Variants in MDGA2 observed in about 807,000 individuals in gnomAD.
MDGA2 encodes MAM domain containing glycosylphosphatidylinositol anchor 2, also known as MAM domain-containing glycosylphosphatidylinositol anchor protein 2.
A neutral mutation model predicts 117.8 loss-of-function variants in MDGA2; 40 were observed. The ratio of observed to expected loss-of-function variants is 0.34; its 90% confidence interval spans 0.26 to 0.44. The LOEUF is 0.44. MDGA2 is among the 20% of genes least tolerant of loss of function. MDGA2 has a pLI of 1.00. For missense variants in MDGA2, 1,123 were observed against 1,250.6 expected (o/e 0.90, Z 1.54); for synonymous variants, 452 against 439.0 (o/e 1.03, Z -0.37).
At chr14:47,104,013 C>A (rs1880492280) in intron 5 of MDGA2, among the ~76,000 whole-genome samples, 1 of 152,192 alleles carries the variant, frequency 6.6e-6, no homozygotes, top group South Asian at 2.1e-4. Context: ...CTGCATGACT[C>A]TCCTTGTCTT....
intron 3 of MDGA2, among the ~76,000 whole-genome samples, chr14:47,176,001 C>A (rs1884427035): frequency 6.6e-6 from 1 of 152,064 alleles, no homozygotes; most frequent in African/African-American, 2.4e-5. Flanking sequence ...TCTTATACAC[C>A]AATAACAGAT....
intron 3 of MDGA2, among the ~76,000 whole-genome samples, chr14:47,171,918 C>A (rs965716119): frequency 6.6e-6 from 1 of 152,134 alleles, no homozygotes; most frequent in Admixed American, 6.5e-5. Context: ...CAGTAGGCAC[C>A]TGGAATATCG....
intron 7 of MDGA2, among the ~76,000 whole-genome samples, chr14:47,048,900 A>G (rs1468912059): frequency 6.6e-6 from 1 of 152,124 alleles, no homozygotes; most frequent in East Asian, 1.9e-4. Flanking sequence ...AGTATACAGA[A>G]GTTTACAATA....
chr14:47,526,986 A>T (rs771671135), intron 1 of MDGA2, among the ~76,000 whole-genome samples: 1 of 152,146 alleles, frequency 6.6e-6, no homozygotes, highest in Non-Finnish European at 1.5e-5. Context: ...TTAATTGTAG[A>T]GAGTGCAGTG....
At chr14:47,072,931 T>C (rs2138849044) in intron 6 of MDGA2, among the ~76,000 whole-genome samples, 1 of 152,302 alleles carries the variant, frequency 6.6e-6, no homozygotes, top group Middle Eastern at 3.4e-3. Context: ...ATTTGAAATG[T>C]TATTTAAACG....
chr14:47,153,709 T>TAA (rs201838648), intron 3 of MDGA2, among the ~76,000 whole-genome samples: 30 of 68,538 alleles, frequency 4.4e-4, no homozygotes, highest in African/African-American at 1.0e-3. Context: ...AGAAAAGAAA[T>TAA]AAAAAAAAAA....
chr14:46,967,494 A>T (rs1292920937), intron 8 of MDGA2, among the ~76,000 whole-genome samples: 1 of 152,212 alleles, frequency 6.6e-6, no homozygotes, highest in African/African-American at 2.4e-5. Context: ...TTGCCCATTA[A>T]GAAGAGTTGA....
At chr14:46,857,657 C>A (rs938610351) in intron 14 of MDGA2, among the ~76,000 whole-genome samples, 13 of 151,700 alleles carry the variant, frequency 8.6e-5, no homozygotes, top group African/African-American at 2.9e-4. Context: ...TTTATTTTAT[C>A]TTATTCTTTT....
chr14:47,493,677 A>T (rs1254318770), intron 1 of MDGA2, among the ~76,000 whole-genome samples: 1 of 152,114 alleles, frequency 6.6e-6, no homozygotes, highest in Non-Finnish European at 1.5e-5. Flanking sequence ...CCAAAAAGTA[A>T]CTATCGAATA....
intron 1 of MDGA2, among the ~76,000 whole-genome samples, chr14:47,324,028 G>A (rs1890066835): frequency 1.3e-5 from 2 of 152,100 alleles, no homozygotes; most frequent in African/African-American, 2.4e-5. Context: ...TGAGAATCAT[G>A]AGGTCAGGAG....
intron 1 of MDGA2, among the ~76,000 whole-genome samples, chr14:47,455,095 A>C (rs1018425194): frequency 1.3e-5 from 2 of 152,250 alleles, no homozygotes; most frequent in Non-Finnish European, 2.9e-5. Context: ...TTAGATGATA[A>C]AGCATGGACA....
intron 3 of MDGA2, among the ~76,000 whole-genome samples, chr14:47,171,976 G>A (rs143445996): frequency 2.6e-5 from 4 of 152,062 alleles, no homozygotes; most frequent in East Asian, 1.9e-4. Flanking sequence ...CTTAAAAAAC[G>A]GTGCACCAGG....
intron 2 of MDGA2, among the ~76,000 whole-genome samples, chr14:47,260,313 A>C (rs1012700692): frequency 6.6e-6 from 1 of 152,040 alleles, no homozygotes; most frequent in Non-Finnish European, 1.5e-5. Flanking sequence ...CTAGCACTAT[A>C]ATCAAATTTT....
At chr14:47,336,554 T>C (rs1430186561) in intron 1 of MDGA2, among the ~76,000 whole-genome samples, 2 of 151,994 alleles carry the variant, frequency 1.3e-5, no homozygotes, top group Non-Finnish European at 2.9e-5. Flanking sequence ...TGCAATAGTA[T>C]GTAACCACAA....
At chr14:47,038,160 G>A (rs565307549) in intron 7 of MDGA2, among the ~76,000 whole-genome samples, 5 of 152,154 alleles carry the variant, frequency 3.3e-5, no homozygotes, top group South Asian at 4.2e-4. Flanking sequence ...TCAAACTCCC[G>A]ATCTTAGGTG....
At chr14:47,494,876 T>TTTTATA (rs1555327306) in intron 1 of MDGA2, among the ~76,000 whole-genome samples, 10 of 141,020 alleles carry the variant, frequency 7.1e-5, no homozygotes, top group Admixed American at 2.8e-4. Flanking sequence ...TAAAATGTGA[T>TTTTATA]TATATATATA....
At chr14:47,235,840 A>G (rs1886840753) in intron 2 of MDGA2, among the ~76,000 whole-genome samples, 1 of 152,086 alleles carries the variant, frequency 6.6e-6, no homozygotes, top group Non-Finnish European at 1.5e-5. Context: ...GCCGAGAGGA[A>G]CTAACTTTCC....
At chr14:47,673,892 T>A (rs896947245) in intron 1 of MDGA2, among the ~76,000 whole-genome samples, 1 of 151,996 alleles carries the variant, frequency 6.6e-6, no homozygotes, top group Non-Finnish European at 1.5e-5. Flanking sequence ...CGTTCATTCA[T>A]GCACTTGCTC....
intron 3 of MDGA2, among the ~76,000 whole-genome samples, chr14:47,172,263 C>A (rs1300165056): frequency 6.6e-6 from 1 of 152,176 alleles, no homozygotes; most frequent in Non-Finnish European, 1.5e-5. Flanking sequence ...GCAGACTTAA[C>A]TGTCCCTGTC....
Sources: allele counts gnomAD v4.1 joint callset (sites outside exome capture counted in the v4.1 genomes callset), GRCh38; gene constraint gnomAD v4.1.1; transcripts MANE v1.5; gene names NCBI Gene and HGNC (gene_info 2026-07-23, HGNC 2026-07-21).